The following STAG1 variants were observed in gnomAD, a reference collection of about 807,000 sequenced individuals.
STAG1 encodes the protein cohesin subunit SA-1.
STAG1 carries 26 observed loss-of-function variants against 170.9 expected under a neutral mutation model. That is an observed-to-expected ratio of 0.15 (90% confidence interval 0.11 to 0.21). The LOEUF (loss-of-function observed/expected upper bound fraction) is 0.21. STAG1 is among the 10% of genes least tolerant of loss of function. The probability of loss-of-function intolerance (pLI) is 1.00; values close to 1 mark genes in which losing one functional copy is unlikely to be tolerated. For synonymous variants in STAG1, 514 were observed against 497.7 expected (o/e 1.03, Z -0.44); for missense variants, 964 against 1,509.5 (o/e 0.64, Z 5.99).
chr3:136,390,117 C>T (rs2086970418), intron 22 of STAG1, among the ~76,000 whole-genome samples: 1 of 152,102 alleles, frequency 6.6e-6, no homozygotes, highest in African/African-American at 2.4e-5. Flanking sequence ...AGGTGTGAGT[C>T]ACCACGCCCG....
chr3:136,678,882 G>GAAAAA (rs543331662), intron 1 of STAG1, among the ~76,000 whole-genome samples: 1 of 100,962 alleles, frequency 9.9e-6, no homozygotes, highest in Non-Finnish European at 2.1e-5. Flanking sequence ...AGAAGAAAAA[G>GAAAAA]AAAAAAAAAA....
intron 22 of STAG1, among the ~76,000 whole-genome samples, chr3:136,383,298 T>C (rs1416842853): frequency 6.6e-6 from 1 of 152,026 alleles, no homozygotes; most frequent in Non-Finnish European, 1.5e-5. Context: ...GAAAAAGAAA[T>C]ATAAAAAGAT....
chr3:136,551,955 T>C (rs1936425941), intron 5 of STAG1, among the ~76,000 whole-genome samples: 1 of 152,060 alleles, frequency 6.6e-6, no homozygotes, highest in South Asian at 2.1e-4. Flanking sequence ...AATTGAAAAA[T>C]ATTAAGGCAA....
chr3:136,403,116 T>C (rs1336233639), intron 21 of STAG1, among the ~76,000 whole-genome samples: 1 of 149,440 alleles, frequency 6.7e-6, no homozygotes, highest in African/African-American at 2.5e-5. Flanking sequence ...TATTCCTGGT[T>C]ACTAAGGAGG....
chr3:136,415,920 T>C (rs1391393735), intron 21 of STAG1, among the ~76,000 whole-genome samples: 2 of 151,998 alleles, frequency 1.3e-5, no homozygotes, highest in Non-Finnish European at 2.9e-5. Context: ...TGAACAAGAG[T>C]ACAATCTAGT....
At chr3:136,468,441 C>T (rs1006386368) in intron 12 of STAG1, among the ~76,000 whole-genome samples, 10 of 152,150 alleles carry the variant, frequency 6.6e-5, no homozygotes, top group Non-Finnish European at 1.2e-4. Flanking sequence ...CATACACCCT[C>T]CCAAGACTAA....
At chr3:136,537,890 A>T (rs1220358516) in intron 6 of STAG1, among the ~76,000 whole-genome samples, 2 of 152,198 alleles carry the variant, frequency 1.3e-5, no homozygotes, top group Admixed American at 6.5e-5. Context: ...GCATGTGATC[A>T]TAAGGAAATA....
intron 15 of STAG1, among the ~76,000 whole-genome samples, chr3:136,438,225 C>T (rs1363180150): frequency 5.5e-5 from 8 of 145,500 alleles, no homozygotes; most frequent in South Asian, 4.4e-4. Context: ...GGTCCCTTAT[C>T]GTTTAGTTTC....
At chr3:136,553,978 A>T (rs1031794061) in intron 5 of STAG1, among the ~76,000 whole-genome samples, 1 of 152,234 alleles carries the variant, frequency 6.6e-6, no homozygotes, top group Non-Finnish European at 1.5e-5. Context: ...TGAATTAAAA[A>T]AATACGATCC....
intron 7 of STAG1, among the ~76,000 whole-genome samples, chr3:136,506,551 C>G (rs1344933465): frequency 6.9e-6 from 1 of 145,092 alleles, no homozygotes; most frequent in Non-Finnish European, 1.5e-5. Flanking sequence ...TAGGCTGAGG[C>G]AGGAGAATGG....
At position 136,348,447 on chromosome 3, in the gene STAG1, C is replaced by T. The variant is rs556799294; in HGVS notation, c.3271+711G>A. ...TTAAATGATGGGAGTCTTCCTCTGT[C>T]GCCCAGGCTGGAGTGCAGTGGCATG... On this transcript the variant is annotated intron_variant, in intron 29 of 33. Transcript: ENST00000383202. Among the ~76,000 whole-genome samples the T allele has an allele frequency of 1.8e-4, 27 of 152,258 alleles. 1 individual carries two copies. In the South Asian group the frequency reaches 4.6e-3, roughly 26 times the overall value.
At chr3:136,651,674 T>TTTATATTGG (rs1218330069) in intron 1 of STAG1, among the ~76,000 whole-genome samples, 1 of 152,018 alleles carries the variant, frequency 6.6e-6, no homozygotes, top group Non-Finnish European at 1.5e-5. Context: ...AAACCAATAG[T>TTTATATTGG]CTTATGCAGA....
chr3:136,452,142 A>C lies in STAG1; in HGVS notation c.1319T>G (p.Phe440Cys). The C allele has an allele frequency of 6.2e-7, 1 of 1,609,552 alleles. No homozygotes were observed. The highest frequency in any genetic ancestry group is 1.1e-5 in the South Asian group (1 of 90,560). ...TTCTGCTTGTGGGTCATGTCTGCTA[A>C]ATAGCCTGGAAATGAAAAACAGGGC... ...AAGEFLHKKL[F>C]SRHDPQAEEA... Residue 440 changes from phenylalanine (F) to cysteine (C), a missense_variant, in exon 14 of 34, where the codon TTT (phenylalanine) becomes TGT (cysteine). Transcript: ENST00000383202.
intron 22 of STAG1, among the ~76,000 whole-genome samples, chr3:136,394,206 G>A (rs538427999): frequency 6.6e-6 from 1 of 152,150 alleles, no homozygotes; most frequent in Non-Finnish European, 1.5e-5. Flanking sequence ...GCACCCAGCT[G>A]AAACATGAAT....
At chr3:136,735,660 T>G (rs1442663221) in intron 1 of STAG1, among the ~76,000 whole-genome samples, 2 of 152,056 alleles carry the variant, frequency 1.3e-5, no homozygotes, top group African/African-American at 4.8e-5. Context: ...TCTTCCAGAC[T>G]GGAGTGCAAT....
Position 136,579,958 on chromosome 3 carries a change from A to ATTTTTTTTTTTTTTTTT in STAG1, c.298-11114_298-11098dup, listed in dbSNP as rs749325884. Among the ~76,000 whole-genome samples the ATTTTTTTTTTTTTTTTT allele has an allele frequency of 3.6e-3, 262 of 73,652 alleles. 35 individuals carry two copies. The highest frequency in any genetic ancestry group is 4.8e-3 in the Non-Finnish European group (197 of 41,062). The allele number at this position is 73,652 out of a possible 152,430, so 48.3% of individuals were successfully genotyped here. On this transcript the variant is annotated intron_variant, in intron 4 of 33. Transcript: ENST00000383202. ...CTATTTTGGTCACAATACCATCTGA[A>ATTTTTTTTTTTTTTTTT]TTTTTTTTTTTTTTTTTTTTTTTTT...
chr3:136,500,559 G>A (rs1933409522), intron 8 of STAG1, among the ~76,000 whole-genome samples: 1 of 152,074 alleles, frequency 6.6e-6, no homozygotes, highest in Non-Finnish European at 1.5e-5. Context: ...AGCTAAGTGT[G>A]GTCAGATTCC....
At chr3:136,393,081 A>C (rs1037805627) in intron 22 of STAG1, among the ~76,000 whole-genome samples, 1 of 152,200 alleles carries the variant, frequency 6.6e-6, no homozygotes, top group Non-Finnish European at 1.5e-5. Context: ...CACTGTCTAA[A>C]TGACCCATTT....
intron 1 of STAG1, among the ~76,000 whole-genome samples, chr3:136,640,837 G>C (rs1312871613): frequency 6.6e-6 from 1 of 150,706 alleles, no homozygotes; most frequent in Non-Finnish European, 1.5e-5. Context: ...AACATGCCCG[G>C]CTAATTTTTG....
Sources: allele counts gnomAD v4.1 joint callset (sites outside exome capture counted in the v4.1 genomes callset), GRCh38; gene constraint gnomAD v4.1.1; transcripts MANE v1.5; gene names NCBI Gene and HGNC (gene_info 2026-07-23, HGNC 2026-07-21).